Variants in RPL14 observed in about 807,000 individuals in gnomAD.
RPL14 encodes large ribosomal subunit protein eL14.
A neutral mutation model predicts 25.3 loss-of-function variants in RPL14; 4 were observed. The ratio of observed to expected loss-of-function variants is 0.16; its 90% CI spans 0.08 to 0.36. The LOEUF (loss-of-function observed/expected upper bound fraction) is 0.36. Ranked by LOEUF, RPL14 falls within the 10% of genes least tolerant of loss-of-function variation. The probability of loss-of-function intolerance (pLI) is 1.00; values close to 1 mark genes in which losing one functional copy is unlikely to be tolerated. For synonymous variants in RPL14, 75 were observed against 89.8 expected (o/e 0.84, Z 0.93); for missense variants, 212 against 261.9 (o/e 0.81, Z 1.31).
rs570713322 is a variant in RPL14 at position 40,462,520 on chromosome 3, G to A, written c.*288G>A. 23 of 254,960 alleles carry A rather than the reference G, an allele frequency of 9.0e-5. No homozygotes were observed. The highest frequency in any genetic ancestry group is 1.5e-5 in the Non-Finnish European group (2 of 135,426). The allele number at this position is 254,960 out of a possible 1,614,324, so 15.8% of individuals were successfully genotyped here. A position where few individuals can be genotyped will look rare whatever the true frequency, so the allele number is the denominator to read the frequency against. ...GCCTCCTGAGCAGCTGGGACTACAG[G>A]TGCCCGCCACCGCGCCTGGCTAATT... On this transcript the variant is annotated 3_prime_UTR_variant, in exon 6 of 6. Coordinates refer to ENST00000396203, the MANE Select transcript of RPL14 (RefSeq NM_001034996.3).
In RPL14 at chr3:40,461,632, C is replaced by A. The variant is rs750834399; in HGVS notation, c.325C>A (p.Arg109Ser). 1.2e-6 allele frequency: 2 copies of A among 1,603,110 alleles called. No individual in the cohort carries two copies. The highest frequency in any genetic ancestry group is 1.1e-5 in the South Asian group (1 of 88,056). Residue 109 changes from arginine to serine, a missense_variant, in exon 5 of 6, where the codon CGT (arginine) becomes AGT (serine). Physicochemically the swap from Arg to Ser is moderately radical, Grantham distance 110 (BLOSUM62 -1). Coordinates refer to ENST00000396203, the MANE Select transcript of RPL14 (RefSeq NM_001034996.3). ...ERKAKMTDFD[R>S]FKVMKAKKMR... Reference sequence around the variant, plus strand: ...GAAAGCCAAGATGACAGATTTTGATCGTTTTAAAGTTATGAAGGCAAAGAA... The same window carrying A: ...GAAAGCCAAGATGACAGATTTTGATAGTTTTAAAGTTATGAAGGCAAAGAA...
At chr3:40,457,784 C>T (rs1323077604) in intron 1 of RPL14, 106 bp from the exon 2 acceptor site, 5 of 1,133,980 alleles carry the variant, frequency 4.4e-6, no homozygotes, top group Non-Finnish European at 1.3e-6. Flanking sequence ...TTCCCTGCAG[C>T]ATTCTTTTTC....
chr3:40,460,497 G>C (rs918683764), intron 3 of RPL14, among the ~76,000 whole-genome samples: 2 of 151,078 alleles, frequency 1.3e-5, no homozygotes, highest in Non-Finnish European at 1.5e-5. Context: ...TCCATCCTGG[G>C]TTACAGAGCA....
chr3:40,468,042 G>T lies in RPL14; in HGVS notation c.*5810G>T, dbSNP rs549879120. 6.6e-6 allele frequency: 1 copy of T among 152,252 alleles called. No homozygotes were observed. The highest frequency in any genetic ancestry group is 1.9e-4 in the East Asian group (1 of 5,170). The allele number at this position is 152,252 out of a possible 1,614,324, so 9.4% of individuals were successfully genotyped here. ...CACCCTGTTAGCCAGGATGGTGGAT[G>T]GGCATTTGAATGGGTAGACTGAGTG... On this transcript the variant is annotated 3_prime_UTR_variant, in exon 6 of 6. Coordinates refer to ENST00000396203, the MANE Select transcript of RPL14 (RefSeq NM_001034996.3).
chr3:40,458,782 T>C (rs756509808), intron 3 of RPL14, 46 bp downstream of exon 3: 1 of 1,509,222 alleles, frequency 6.6e-7, no homozygotes, highest in East Asian at 2.3e-5. Context: ...CAGATTTGTT[T>C]ATGCTAGTAA....
Position 40,465,487 on chromosome 3 carries a change from G to A in RPL14, c.*3255G>A, listed in dbSNP as rs963628624. The A allele has an allele frequency of 6.6e-6, 1 of 152,168 alleles. No homozygotes were observed. Among genetic ancestry groups the A allele is most frequent in the Non-Finnish European group, 1.5e-5 (1 of 68,046 alleles). 9.4% of individuals were successfully genotyped at this position (152,168 alleles called of 1,614,324 possible). On this transcript the variant is annotated 3_prime_UTR_variant, in exon 6 of 6. Transcript: ENST00000396203. ...TTTACGTGAGGAAAAGGAAGAAAAG[G>A]TGGGTTTAGATACTAAATCTGTAGG... is the stretch of plus-strand genomic sequence containing the variant.
At chr3:40,460,326 G>C (rs890049836) in intron 3 of RPL14, among the ~76,000 whole-genome samples, 1 of 151,916 alleles carries the variant, frequency 6.6e-6, no homozygotes, top group Admixed American at 6.6e-5. Context: ...TCAGGAATTT[G>C]AGACCAGCCT....
Position 40,461,951 on chromosome 3 carries a change from A to G in RPL14, c.367A>G (p.Ile123Val), listed in dbSNP as rs1696943833. The change falls in exon 6 of 6, where the codon ATC (isoleucine) becomes GTC (valine). Residue 123 changes from isoleucine to valine, a missense_variant. Transcript: ENST00000396203. Reference sequence around the variant, plus strand: ...TGATAATTTTCAGAGGAACAGAATAATCAAGAATGAAGTTAAGAAGCTTCA... The same window carrying G: ...TGATAATTTTCAGAGGAACAGAATAGTCAAGAATGAAGTTAAGAAGCTTCA... ...MKAKKMRNRI[I>V]KNEVKKLQKA... is the part of the protein sequence containing the mutation. 3 of 1,600,098 alleles carry G rather than the reference A, an allele frequency of 1.9e-6. No individual in the cohort carries two copies. The highest frequency in any genetic ancestry group is 2.6e-6 in the Non-Finnish European group (3 of 1,175,508).
Position 40,457,431 on chromosome 3 carries a change from G to C in RPL14, c.-41G>C. ...GCTCGACCTCCACCTCCGCTGGGAA[G>C]CTGAGGCGCCAAACGGCTCCCAGAG... On this transcript the variant is annotated 5_prime_UTR_variant, in exon 1 of 6. Coordinates refer to ENST00000396203, the MANE Select transcript of RPL14 (RefSeq NM_001034996.3). 1 of 1,586,546 alleles carries C rather than the reference G, an allele frequency of 6.3e-7. No individual in the cohort carries two copies. Among genetic ancestry groups the C allele is most frequent in the South Asian group, 1.1e-5 (1 of 88,252 alleles).
At chr3:40,458,465 GC>G (rs1696878679) in intron 2 of RPL14, 176 bp from the exon 3 acceptor site, 6 of 598,732 alleles carry the variant, frequency 1.0e-5, no homozygotes, top group Non-Finnish European at 1.8e-5. Flanking sequence ...TTTGTGTTGA[GC>G]AAAAGACATA....
rs1190467671 is a variant in RPL14 at position 40,464,684 on chromosome 3, C to T, written c.*2452C>T. 1.2e-5 allele frequency: 4 copies of T among 334,112 alleles called. No individual in the cohort carries two copies. Among genetic ancestry groups the T allele is most frequent in the South Asian group, 4.7e-5 (2 of 42,600 alleles). The allele number at this position is 334,112 out of a possible 1,614,324, so 20.7% of individuals were successfully genotyped here. ...TTATGGGATCAAGACTGGGAATGCT[C>T]GGGTTGGCAGTATGAAGTTTGGCAG... On this transcript the variant is annotated 3_prime_UTR_variant, in exon 6 of 6. Transcript: ENST00000396203.
chr3:40,462,457 A>G lies in RPL14; in HGVS notation c.*225A>G. ...AGTGGCGCTATCTCGGCTCACTGTA[A>G]GTTCCACCTCCCGGGTTCATGCCAT... On this transcript the variant is annotated 3_prime_UTR_variant, in exon 6 of 6. Coordinates refer to ENST00000396203, the MANE Select transcript of RPL14 (RefSeq NM_001034996.3). 1 of 420,770 alleles carries G rather than the reference A, an allele frequency of 2.4e-6. No individual in the cohort carries two copies. Among genetic ancestry groups the G allele is most frequent in the Non-Finnish European group, 4.0e-6 (1 of 251,680 alleles). 26.1% of individuals were successfully genotyped at this position (420,770 alleles called of 1,614,324 possible). A position where few individuals can be genotyped will look rare whatever the true frequency, so the allele number is the denominator to read the frequency against.
intron 3 of RPL14, 166 bp downstream of exon 3, chr3:40,458,902 G>A (rs894927663): frequency 2.1e-5 from 13 of 621,506 alleles, no homozygotes; most frequent in East Asian, 5.7e-5. Flanking sequence ...TTGCCTGCGC[G>A]TGATAGCTCA....
At chr3:40,461,011 C>T (rs759684683) in intron 3 of RPL14, among the ~76,000 whole-genome samples, 59 of 152,162 alleles carry the variant, frequency 3.9e-4, no homozygotes, top group Non-Finnish European at 7.8e-4. Flanking sequence ...GCCTGGGCAA[C>T]GTAGCAAGAC....
At chr3:40,457,531 C>CT (rs1422314206) in intron 1 of RPL14, 57 bp downstream of exon 1, 4 of 1,385,960 alleles carry the variant, frequency 2.9e-6, no homozygotes, top group African/African-American at 1.5e-5. Context: ...GACTCGCGCC[C>CT]TTCCCGGACT....
At chr3:40,461,700 T>C in intron 5 of RPL14, 39 bp downstream of exon 5, 1 of 1,555,402 alleles carries the variant, frequency 6.4e-7, no homozygotes, top group South Asian at 1.2e-5. Context: ...AACTTAGCTT[T>C]AAATAATAAG....
chr3:40,460,032 G>C (rs775036773), intron 3 of RPL14, among the ~76,000 whole-genome samples: 4 of 152,120 alleles, frequency 2.6e-5, no homozygotes, highest in African/African-American at 9.7e-5. Flanking sequence ...TAGGGGTGAA[G>C]CTTGAGGATA....
chr3:40,461,548 T>A, intron 4 of RPL14, 42 bp downstream of exon 4: 1 of 1,610,792 alleles, frequency 6.2e-7, no homozygotes, highest in East Asian at 2.2e-5. Context: ...CTTTCTTTTT[T>A]TGGAGGGTTC....
In RPL14 at chr3:40,462,976, G is replaced by C. The variant is rs1478773282; in HGVS notation, c.*744G>C. ...GTCTTGCTGTGTTGCCCAGGCTGGA[G>C]TGCAGTGGTGCGATCTCAGCTCCCT... On this transcript the variant is annotated 3_prime_UTR_variant, in exon 6 of 6. Transcript: ENST00000396203. 6.6e-6 allele frequency: 1 copy of C among 151,882 alleles called. No individual in the cohort carries two copies. Among genetic ancestry groups the C allele is most frequent in the Non-Finnish European group, 1.5e-5 (1 of 68,006 alleles). 9.4% of individuals were successfully genotyped at this position (151,882 alleles called of 1,614,324 possible).
Sources: gnomAD v4.1 joint callset for allele counts (sites outside exome capture counted in the v4.1 genomes callset) on GRCh38, gnomAD v4.1.1 for gene constraint, MANE v1.5 for transcripts, NCBI Gene and HGNC (gene_info 2026-07-23, HGNC 2026-07-21) for gene names.